FTO: variants seen among roughly 807,000 people sequenced by gnomAD.
The protein encoded by FTO is alpha-ketoglutarate-dependent dioxygenase FTO.
A neutral mutation model predicts 63.9 loss-of-function variants in FTO; 47 were observed. That is an observed-to-expected ratio of 0.74 (90% CI 0.58 to 0.94). FTO has a LOEUF of 0.94. Ranked by LOEUF, FTO falls within the 40% of genes least tolerant of loss-of-function variation. The probability of loss-of-function intolerance (pLI) is 0.00; values close to 1 mark genes in which losing one functional copy is unlikely to be tolerated. For missense variants in FTO, 562 were observed against 618.1 expected, an observed-to-expected ratio of 0.91 and a Z score of 0.96; for synonymous variants, 207 against 224.4, an observed-to-expected ratio of 0.92 and a Z score of 0.69.
chr16:53,787,913 T>G (rs1046627592), intron 1 of FTO, among the ~76,000 whole-genome samples: 20 of 152,182 alleles, frequency 1.3e-4, no homozygotes, highest in African/African-American at 4.6e-4. Flanking sequence ...GTTATGCTGA[T>G]TCTGTGTGAT....
chr16:53,794,428 C>T (rs12923770), intron 1 of FTO, among the ~76,000 whole-genome samples: 2 of 152,150 alleles, frequency 1.3e-5, no homozygotes, highest in East Asian at 3.8e-4. Context: ...TGGATTGAAG[C>T]GATGGTGCTG....
chr16:53,835,285 A>G (rs2079257735), intron 3 of FTO, among the ~76,000 whole-genome samples: 2 of 151,956 alleles, frequency 1.3e-5, no homozygotes, highest in South Asian at 2.1e-4. Context: ...GGATTCCTTT[A>G]CTTCTCTCTT....
chr16:53,857,222 C>T (rs928933792), intron 4 of FTO, among the ~76,000 whole-genome samples: 3 of 152,088 alleles, frequency 2.0e-5, no homozygotes, highest in Non-Finnish European at 4.4e-5. Flanking sequence ...ATTTTTCGAT[C>T]CTTACCCTCC....
At chr16:53,978,262 A>G (rs1373063223) in intron 8 of FTO, among the ~76,000 whole-genome samples, 4 of 152,146 alleles carry the variant, frequency 2.6e-5, no homozygotes, top group Non-Finnish European at 5.9e-5. Context: ...GGTACTTGCA[A>G]TTTAAATGAG....
chr16:53,967,165 ATTGT>A (rs1380697064), intron 8 of FTO, among the ~76,000 whole-genome samples: 2 of 151,920 alleles, frequency 1.3e-5, no homozygotes, highest in Admixed American at 6.6e-5. Context: ...GTGGGGATGA[ATTGT>A]TTCTCTCTCT....
chr16:53,858,436 T>A (rs573333698), intron 4 of FTO, among the ~76,000 whole-genome samples: 1 of 152,308 alleles, frequency 6.6e-6, no homozygotes, highest in South Asian at 2.1e-4. Flanking sequence ...GTAAGAGCTT[T>A]GGCTAGTTTT....
intron 1 of FTO, among the ~76,000 whole-genome samples, chr16:53,715,149 G>A (rs2075865179): frequency 6.6e-6 from 1 of 152,128 alleles, no homozygotes; most frequent in South Asian, 2.1e-4. Flanking sequence ...TATTTTTCAT[G>A]ATTTAAAGGC....
At chr16:53,975,236 G>A (rs1350241789) in intron 8 of FTO, among the ~76,000 whole-genome samples, 2 of 151,160 alleles carry the variant, frequency 1.3e-5, no homozygotes, top group Admixed American at 1.3e-4. Flanking sequence ...TGCAGTTGCA[G>A]CTGTGTCCTA....
intron 1 of FTO, among the ~76,000 whole-genome samples, chr16:53,736,319 C>T (rs896068732): frequency 1.3e-5 from 2 of 151,144 alleles, no homozygotes; most frequent in African/African-American, 2.4e-5. Flanking sequence ...CAAACCTGCA[C>T]GTTGTGCACA....
chr16:53,787,069 C>T (rs541013449), intron 1 of FTO, among the ~76,000 whole-genome samples: 15 of 132,372 alleles, frequency 1.1e-4, no homozygotes, highest in Non-Finnish European at 1.8e-4. Context: ...CAAGGTCGCA[C>T]CACTGCACTC....
At chr16:53,735,406 C>G (rs980283975) in intron 1 of FTO, among the ~76,000 whole-genome samples, 3 of 152,168 alleles carry the variant, frequency 2.0e-5, no homozygotes, top group African/African-American at 7.2e-5. Context: ...ATGGGGAAGG[C>G]ACAGTTTGCT....
chr16:53,729,827 T>G (rs1384560491), intron 1 of FTO, among the ~76,000 whole-genome samples: 1 of 152,164 alleles, frequency 6.6e-6, no homozygotes, highest in Non-Finnish European at 1.5e-5. Context: ...AAATGCCACC[T>G]CTTCTGAGAC....
At chr16:53,758,347 C>A (rs2076971070) in intron 1 of FTO, among the ~76,000 whole-genome samples, 3 of 152,116 alleles carry the variant, frequency 2.0e-5, no homozygotes, top group South Asian at 4.1e-4. Context: ...CCTGTGTAGT[C>A]CAAATAGACC....
rs575549290 is a variant in FTO at position 54,097,485 on chromosome 16, G to T, written c.1365-14277G>T. ...CCTCCCAAGTAGCTGGTACTACAGG[G>T]TACTATTACTTTTACATGCCCAGCT... On this transcript the variant is annotated intron_variant, in intron 8 of 8. Transcript: ENST00000471389. Among the ~76,000 whole-genome samples the T allele has an allele frequency of 3.9e-5, 6 of 151,994 alleles. No individual in the cohort carries two copies. In the South Asian group the frequency reaches 1.3e-3, roughly 32 times the overall value.
chr16:53,718,931 G>A (rs1017678112), intron 1 of FTO, among the ~76,000 whole-genome samples: 2 of 152,122 alleles, frequency 1.3e-5, no homozygotes, highest in African/African-American at 4.8e-5. Flanking sequence ...CAGGGGTTGA[G>A]GGTATATCAG....
intron 1 of FTO, among the ~76,000 whole-genome samples, chr16:53,711,946 C>A (rs2075785386): frequency 6.6e-6 from 1 of 152,086 alleles, no homozygotes; most frequent in Non-Finnish European, 1.5e-5. Flanking sequence ...AATAACTTGG[C>A]CAAATGCAGT....
rs567718105 is a variant in FTO, at chr16:54,112,040, A to G, written c.*125A>G. On this transcript the variant is annotated 3_prime_UTR_variant, in exon 9 of 9. Coordinates refer to ENST00000471389, the MANE Select transcript of FTO (RefSeq NM_001080432.3). ...CCTAGATTGTAGCACCCGGGTCCCA[A>G]TCCAAAACAGCTAGGAAATGGTGCC... 653 of 964,578 alleles carry G rather than the reference A, an allele frequency of 6.8e-4. 4 individuals are homozygous for G. The highest frequency in any genetic ancestry group is 3.2e-3 in the South Asian group (246 of 76,016). 59.8% of individuals were successfully genotyped at this position (964,578 alleles called of 1,614,324 possible). A position where few individuals can be genotyped will look rare whatever the true frequency, so the allele number is the denominator to read the frequency against.
intron 6 of FTO, among the ~76,000 whole-genome samples, chr16:53,880,581 A>G (rs2080795616): frequency 6.6e-6 from 1 of 152,162 alleles, no homozygotes; most frequent in Non-Finnish European, 1.5e-5. Flanking sequence ...TCAAGATCAG[A>G]TGGCATCAAG....
intron 3 of FTO, among the ~76,000 whole-genome samples, chr16:53,836,941 CTT>C (rs2079310824): frequency 6.6e-6 from 1 of 152,158 alleles, no homozygotes; most frequent in Non-Finnish European, 1.5e-5. Context: ...TAATGACCCT[CTT>C]TTGATTAACC....
Sources: gnomAD v4.1 joint callset for allele counts (sites outside exome capture counted in the v4.1 genomes callset) on GRCh38, gnomAD v4.1.1 for gene constraint, MANE v1.5 for transcripts, NCBI Gene and HGNC (gene_info 2026-07-23, HGNC 2026-07-21) for gene names.